EPX: variants seen among roughly 807,000 people sequenced by gnomAD.
EPX encodes eosinophil peroxidase.
In EPX, 60 loss-of-function variants were observed where a neutral mutation model predicts 73.0. The observed-to-expected ratio is 0.82, with a 90% CI of 0.67 to 1.02. The LOEUF (loss-of-function observed/expected upper bound fraction) is 1.02. Among genes scored for constraint, EPX ranks in the 50% least tolerant of loss-of-function variants. EPX has a pLI of 0.00. For missense variants in EPX, 950 were observed against 973.9 expected, an observed-to-expected ratio of 0.98 and a Z score of 0.33; for synonymous variants, 347 against 389.2, an observed-to-expected ratio of 0.89 and a Z score of 1.28.
Position 58,197,228 on chromosome 17 carries a change from G to A in EPX, c.1091G>A (p.Arg364His), listed in dbSNP as rs35232062. 1,907 of 1,612,666 alleles carry A rather than the reference G, an allele frequency of 1.2e-3. 6 individuals are homozygous for A. The highest frequency in any genetic ancestry group is 1.7e-3 in the Admixed American group (104 of 60,028). The change falls in exon 7 of 13, where the codon CGC (arginine) becomes CAC (histidine). Residue 364 changes from arginine to histidine, a missense_variant. Physicochemically the swap from Arg to His is conservative, Grantham distance 29. Coordinates refer to ENST00000225371, the MANE Select transcript of EPX (RefSeq NM_000502.6). Reference protein sequence around the residue: ...LHDDPCLLTNRSARIPCFLAG... With the variant: ...LHDDPCLLTNHSARIPCFLAG... ...GATGACCCCTGTCTCCTCACCAACC[G>A]CTCGGCGCGCATCCCCTGCTTCCTG... is the stretch of plus-strand genomic sequence containing the variant.
intron 7 of EPX, among the ~76,000 whole-genome samples, chr17:58,198,259 A>G (rs1169866580): frequency 1.3e-5 from 2 of 152,218 alleles, no homozygotes; most frequent in African/African-American, 4.8e-5. Context: ...TGCGCCCAAG[A>G]GCACAGAGTT....
rs34553736 is a variant in EPX at position 58,193,064 on chromosome 17, G to A, written c.103G>A (p.Val35Ile). Residue 35 changes from valine to isoleucine, a missense_variant, in exon 2 of 13, where the codon GTC becomes ATC. Val to Ile is a conservative substitution (Grantham distance 29, BLOSUM62 3). Transcript: ENST00000225371. ...PASPGAVETS[V>I]LRDCIAEAKL... ...CTCCCCTGGGGCAGTGGAGACCTCG[G>A]TCCTGCGAGACTGCATAGCAGAGGC... 1,285 of 1,613,374 alleles carry A rather than the reference G, an allele frequency of 8.0e-4. 14 individuals are homozygous for A. In the African/African-American group the frequency reaches 0.015, roughly 18 times the overall value.
chr17:58,194,083 T>A lies in EPX; in HGVS notation c.585T>A (p.Leu195=), dbSNP rs1304082473. 1.9e-6 allele frequency: 3 copies of A among 1,613,346 alleles called. No homozygotes were observed. The part of the protein sequence containing the change: ...WTPSRRRNGF[L]LPLVRAVSNQ... ...CCAGCAGGAGGCGCAATGGCTTCCT[T>A]CTCCCTCTTGTGAGTTGGGGCTGAG... is the stretch of plus-strand genomic sequence containing the variant. The change falls in exon 5 of 13, where the codon CTT becomes CTA. Residue 195 remains leucine (L), a synonymous_variant. Coordinates refer to ENST00000225371, the MANE Select transcript of EPX (RefSeq NM_000502.6).
rs775559710 is a variant in EPX at position 58,204,262 on chromosome 17, C to A, written c.1987C>A (p.Arg663Ser). The change falls in exon 12 of 13, where the codon CGC becomes AGC. Residue 663 changes from arginine (R) to serine (S), a missense_variant. Physicochemically the swap from Arg to Ser is moderately radical, Grantham distance 110 (BLOSUM62 -1). Transcript: ENST00000225371. ...ACGAGGTGTTTTCACCAAAAGACAG[C>A]GCAAGGCCCTGAGCAGAATTTCCTT... Reference protein sequence around the residue: ...QKRGVFTKRQRKALSRISLSR... With the variant: ...QKRGVFTKRQSKALSRISLSR... 2 of 1,614,120 alleles carry A rather than the reference C, an allele frequency of 1.2e-6. No homozygotes were observed. Among genetic ancestry groups the A allele is most frequent in the South Asian group, 1.1e-5 (1 of 91,074 alleles).
chr17:58,195,698 TCACA>T (rs35352002), intron 6 of EPX, among the ~76,000 whole-genome samples: 1 of 151,570 alleles, frequency 6.6e-6, no homozygotes, highest in East Asian at 1.9e-4. Context: ...ACACACTCTC[TCACA>T]CACACACACG....
At chr17:58,200,952 T>A (rs1968333113) in intron 10 of EPX, among the ~76,000 whole-genome samples, 1 of 152,216 alleles carries the variant, frequency 6.6e-6, no homozygotes, top group African/African-American at 2.4e-5. Context: ...TATTTTGTTC[T>A]CCCAATCACC....
chr17:58,197,278 G>C, intron 7 of EPX, 21 bp downstream of exon 7: 1 of 1,608,342 alleles, frequency 6.2e-7, no homozygotes, highest in Non-Finnish European at 8.5e-7. Context: ...GAGGAAGGTG[G>C]TGTCTTCCCA....
intron 6 of EPX, 88 bp downstream of exon 6, chr17:58,195,258 A>T: frequency 1.9e-6 from 2 of 1,056,502 alleles, no homozygotes; most frequent in South Asian, 2.5e-5. Context: ...AGACTGGAGC[A>T]CCATCCTTAA....
chr17:58,195,332 C>T (rs894336766), intron 6 of EPX, among the ~76,000 whole-genome samples, 162 bp downstream of exon 6: 2 of 152,144 alleles, frequency 1.3e-5, no homozygotes, highest in Non-Finnish European at 2.9e-5. Flanking sequence ...GCAGAGACCC[C>T]GCGCCGTGTG....
In EPX at chr17:58,204,506, G is replaced by A. The variant is rs971097700; in HGVS notation, c.*11+72G>A. The A allele has an allele frequency of 3.5e-6, 3 of 864,890 alleles. No homozygotes were observed. In the African/African-American group the frequency reaches 5.0e-5, roughly 14 times the overall value. The allele number at this position is 864,890 out of a possible 1,614,324, so 53.6% of individuals were successfully genotyped here. ...CATCCTTCCCTGGATGGATGGCTGAGTCCTCTTAGGTCTCTAAGCAGAGAA... is the reference window on the plus strand; with the variant it reads ...CATCCTTCCCTGGATGGATGGCTGAATCCTCTTAGGTCTCTAAGCAGAGAA... On this transcript the variant is annotated intron_variant, in intron 12 of 12. Coordinates refer to ENST00000225371, the MANE Select transcript of EPX (RefSeq NM_000502.6).
chr17:58,200,147 A>G (rs1301697357), intron 9 of EPX, 78 bp from the exon 10 acceptor site: 3 of 1,392,438 alleles, frequency 2.2e-6, no homozygotes, highest in African/African-American at 1.4e-5. Flanking sequence ...GCTCTGGGCT[A>G]GCTTGGCATC....
At chr17:58,198,243 GAATCA>G (rs2143712157) in intron 7 of EPX, among the ~76,000 whole-genome samples, 1 of 152,280 alleles carries the variant, frequency 6.6e-6, no homozygotes, top group South Asian at 2.1e-4. Flanking sequence ...CAGGGAAAGT[GAATCA>G]TGCGCCCAAG....
intron 10 of EPX, among the ~76,000 whole-genome samples, chr17:58,201,546 T>C (rs1241065552): frequency 6.6e-6 from 1 of 152,008 alleles, no homozygotes; most frequent in Non-Finnish European, 1.5e-5. Context: ...TGGGTATGGG[T>C]ATGGGTATGG....
chr17:58,197,683 G>T (rs908195657), intron 7 of EPX, among the ~76,000 whole-genome samples: 5 of 152,006 alleles, frequency 3.3e-5, no homozygotes, highest in African/African-American at 1.2e-4. Context: ...TCTTCTCTGG[G>T]ATAAATTTCC....
rs756421787 is a variant in EPX at position 58,203,270 on chromosome 17, T to G, written c.1898T>G (p.Leu633Arg). ...CCGGGGGCTCGAGTGGGGCCTCTTC[T>G]GGCTTGTCTGTTCGAGAACCAGTTC... Reference protein sequence around the residue: ...LLPGARVGPLLACLFENQFRR... With the variant: ...LLPGARVGPLRACLFENQFRR... The change falls in exon 11 of 13, where the codon CTG becomes CGG. Residue 633 changes from leucine to arginine, a missense_variant. Coordinates refer to ENST00000225371, the MANE Select transcript of EPX (RefSeq NM_000502.6). 6.5e-5 allele frequency: 105 copies of G among 1,614,090 alleles called. No homozygotes were observed. The highest frequency in any genetic ancestry group is 8.6e-5 in the Non-Finnish European group (102 of 1,180,040).
chr17:58,194,190 C>A, intron 5 of EPX, 98 bp downstream of exon 5: 1 of 1,230,546 alleles, frequency 8.1e-7, no homozygotes, highest in Non-Finnish European at 1.2e-6. Flanking sequence ...GAACCCAGGC[C>A]CTTCCACTGA....
intron 1 of EPX, 48 bp downstream of exon 1, chr17:58,192,970 G>T (rs1195299146): frequency 6.2e-7 from 1 of 1,600,928 alleles, no homozygotes; most frequent in Admixed American, 1.7e-5. Flanking sequence ...AAATGGAAGG[G>T]GAAGCACTTG....
chr17:58,198,217 A>G (rs1347691069), intron 7 of EPX, among the ~76,000 whole-genome samples: 1 of 152,198 alleles, frequency 6.6e-6, no homozygotes, highest in African/African-American at 2.4e-5. Flanking sequence ...TCATTTTACG[A>G]TAAGAAACTG....
chr17:58,200,479 T>C, intron 10 of EPX, 84 bp downstream of exon 10: 1 of 1,374,572 alleles, frequency 7.3e-7, no homozygotes, highest in Admixed American at 1.8e-5. Flanking sequence ...GTACCTCCTT[T>C]CTGACTGGGA....
Sources: allele counts gnomAD v4.1 joint callset (sites outside exome capture counted in the v4.1 genomes callset), GRCh38; gene constraint gnomAD v4.1.1; transcripts MANE v1.5; gene names NCBI Gene and HGNC (gene_info 2026-07-23, HGNC 2026-07-21).